ANK2: variants seen among roughly 807,000 people sequenced by gnomAD.
ANK2 encodes ankyrin-2.
Under a neutral mutation model 360.5 loss-of-function variants are expected in ANK2, and 83 were observed. The ratio of observed to expected loss-of-function variants is 0.23; its 90% CI spans 0.19 to 0.28. The LOEUF (loss-of-function observed/expected upper bound fraction) is 0.28. Ranked by LOEUF, ANK2 falls within the 10% of genes least tolerant of loss-of-function variation. The pLI, the probability that ANK2 is intolerant of heterozygous loss-of-function variation, is 1.00. For synonymous variants in ANK2, 1,740 were observed against 1,759.5 expected (o/e 0.99, Z 0.28); for missense variants, 4,201 against 4,795.7 (o/e 0.88, Z 3.66).
At chr4:112,799,999 A>G in the ANK2 span, among the ~76,000 whole-genome samples, 6 of 152,194 alleles carry the variant, frequency 3.9e-5, no homozygotes, top group African/African-American at 1.4e-4. Flanking sequence ...ACCACATGTA[A>G]AATTAACTAC....
chr4:112,964,573 CTTTTTTTT>C (rs1434179621), intron 2 of ANK2, among the ~76,000 whole-genome samples: 1 of 138,798 alleles, frequency 7.2e-6, no homozygotes. Context: ...TTTCTTTTTT[CTTTTTTTT>C]TTTTTTTGAG....
intron 13 of ANK2, among the ~76,000 whole-genome samples, chr4:113,262,927 C>T (rs2053779370): frequency 6.6e-6 from 1 of 151,764 alleles, no homozygotes; most frequent in African/African-American, 2.4e-5. Flanking sequence ...CGGTGGCTCA[C>T]ACCTGTAATC....
At chr4:113,326,485 C>T (rs933922066) in intron 26 of ANK2, among the ~76,000 whole-genome samples, 5 of 152,092 alleles carry the variant, frequency 3.3e-5, no homozygotes, top group Non-Finnish European at 7.4e-5. Flanking sequence ...TATTTTCTTG[C>T]TAGATTTTAT....
chr4:112,827,315 T>G lies in ANK2; in HGVS notation c.-40+9051T>G, dbSNP rs1030912670. The G allele has an allele frequency of 3.5e-6, 4 of 1,140,222 alleles. No homozygotes were observed. In the Admixed American group the frequency reaches 6.7e-5, roughly 19 times the overall value. The allele number at this position is 1,140,222 out of a possible 1,614,324, so 70.6% of individuals were successfully genotyped here. A position where few individuals can be genotyped will look rare whatever the true frequency, so the allele number is the denominator to read the frequency against. ...AAAGAAGATCCAGAACAGCTGAGATTAAAGCAGAAAGCCAATGAGTTACAG... is the reference window on the plus strand; with the variant it reads ...AAAGAAGATCCAGAACAGCTGAGATGAAAGCAGAAAGCCAATGAGTTACAG... On this transcript the variant is annotated intron_variant, in intron 1 of 30. Transcript: ENST00000503271.
At chr4:112,846,980 A>G (rs2063464339) in intron 1 of ANK2, among the ~76,000 whole-genome samples, 2 of 152,224 alleles carry the variant, frequency 1.3e-5, no homozygotes, top group Admixed American at 6.5e-5. Flanking sequence ...AAGAACTTGT[A>G]CACAACAGTT....
chr4:112,803,974 T>C, the ANK2 span, among the ~76,000 whole-genome samples: 26 of 152,102 alleles, frequency 1.7e-4, no homozygotes, highest in Admixed American at 1.4e-3. Flanking sequence ...CTTATATACA[T>C]TGCAGCTTTT....
At chr4:112,942,850 A>G (rs2094325414) in intron 2 of ANK2, among the ~76,000 whole-genome samples, 1 of 152,030 alleles carries the variant, frequency 6.6e-6, no homozygotes, top group Non-Finnish European at 1.5e-5. Context: ...AAGAAAAAAA[A>G]TTCCTCTATA....
At chr4:113,079,492 G>C (rs2154346014) in intron 1 of ANK2, among the ~76,000 whole-genome samples, 1 of 152,126 alleles carries the variant, frequency 6.6e-6, no homozygotes, top group South Asian at 2.1e-4. Context: ...TTTCATGTTT[G>C]GTTTTCTTTT....
intron 34 of ANK2, among the ~76,000 whole-genome samples, chr4:113,343,556 T>C (rs906459651): frequency 2.0e-5 from 3 of 152,226 alleles, no homozygotes; most frequent in African/African-American, 7.2e-5. Flanking sequence ...AGACCCAGCA[T>C]CTCACTTAAG....
chr4:113,205,958 GCACACACACA>G (rs907876773), intron 4 of ANK2, among the ~76,000 whole-genome samples: 2 of 151,928 alleles, frequency 1.3e-5, no homozygotes, highest in Non-Finnish European at 2.9e-5. Context: ...GCACACATAT[GCACACACACA>G]CATACACACA....
At chr4:113,311,158 A>T in intron 23 of ANK2, 97 bp from the exon 24 acceptor site, 1 of 1,493,206 alleles carries the variant, frequency 6.7e-7, no homozygotes, top group Non-Finnish European at 9.3e-7. Flanking sequence ...ATCAAGGTCA[A>T]GGTAATGATG....
At chr4:113,220,125 C>T (rs1218888449) in intron 4 of ANK2, among the ~76,000 whole-genome samples, 1 of 152,170 alleles carries the variant, frequency 6.6e-6, no homozygotes, top group Non-Finnish European at 1.5e-5. Context: ...CGGAACCACA[C>T]ATTTTCTTGT....
chr4:113,296,116 C>T (rs568690105), intron 22 of ANK2, among the ~76,000 whole-genome samples: 1 of 152,058 alleles, frequency 6.6e-6, no homozygotes, highest in Non-Finnish European at 1.5e-5. Context: ...TTTTAAAGCC[C>T]ATGTTCTTAA....
intron 2 of ANK2, among the ~76,000 whole-genome samples, chr4:112,969,923 C>T (rs1661920713): frequency 6.6e-6 from 1 of 152,102 alleles, no homozygotes; most frequent in African/African-American, 2.4e-5. Context: ...GTTTTTGATG[C>T]AGGCCCCTGT....
intron 10 of ANK2, among the ~76,000 whole-genome samples, chr4:113,254,496 G>A (rs1460189920): frequency 6.6e-6 from 1 of 152,152 alleles, no homozygotes; most frequent in Non-Finnish European, 1.5e-5. Flanking sequence ...CAGTCCAAAC[G>A]TCATCAAGCC....
intron 43 of ANK2, chr4:113,372,619 T>A: frequency 6.5e-7 from 1 of 1,534,766 alleles, no homozygotes; most frequent in Non-Finnish European, 8.7e-7. Flanking sequence ...GGCGAGTGAT[T>A]ATTCAGGTAC....
chr4:113,305,120 C>A (rs2076617233), intron 23 of ANK2, among the ~76,000 whole-genome samples: 2 of 151,432 alleles, frequency 1.3e-5, no homozygotes, highest in Admixed American at 1.3e-4. Flanking sequence ...GCGGGCGGAT[C>A]ACGAGGTCAG....
intron 1 of ANK2, among the ~76,000 whole-genome samples, chr4:112,900,229 G>A (rs889459758): frequency 2.6e-5 from 4 of 151,780 alleles, no homozygotes. Context: ...GTTTTATTAT[G>A]CTCTAACTAG....
intron 2 of ANK2, among the ~76,000 whole-genome samples, chr4:112,962,643 T>G (rs2035418277): frequency 6.6e-6 from 1 of 152,178 alleles, no homozygotes; most frequent in Non-Finnish European, 1.5e-5. Context: ...GTGTCTAAAC[T>G]AATCCATATT....
Sources: allele counts gnomAD v4.1 joint callset (sites outside exome capture counted in the v4.1 genomes callset), GRCh38; gene constraint gnomAD v4.1.1; transcripts MANE v1.5; gene names NCBI Gene and HGNC (gene_info 2026-07-23, HGNC 2026-07-21).